PRPF38A: variants seen among roughly 807,000 people sequenced by gnomAD.
PRPF38A encodes pre-mRNA-splicing factor 38A.
Under a neutral mutation model 46.8 loss-of-function variants are expected in PRPF38A, and 11 were observed. The ratio of observed to expected loss-of-function variants is 0.24; its 90% CI spans 0.15 to 0.39. The LOEUF is 0.39. Among genes scored for constraint, PRPF38A ranks in the 10% least tolerant of loss-of-function variants. The probability of loss-of-function intolerance (pLI) is 1.00; values close to 1 mark genes in which losing one functional copy is unlikely to be tolerated. For synonymous variants in PRPF38A, 124 were observed against 136.2 expected (o/e 0.91, Z 0.62); for missense variants, 261 against 407.5 (o/e 0.64, Z 3.10).
Position 52,406,242 on chromosome 1 carries a change from C to A in PRPF38A, c.290+403C>A, listed in dbSNP as rs527603169. 8.5e-5 allele frequency among the ~76,000 whole-genome samples: 13 copies of A among 152,096 alleles called. No individual in the cohort carries two copies. In the East Asian group the frequency reaches 9.7e-4, roughly 11 times the overall value. On this transcript the variant is annotated intron_variant, in intron 2 of 9. Coordinates refer to ENST00000257181, the MANE Select transcript of PRPF38A (RefSeq NM_032864.4). ...GACTTCAGGTAATCCCCTCCCCCCCCGGGCCTCCCAGAGTGCTGGGATTAC... is the reference window on the plus strand; with the variant it reads ...GACTTCAGGTAATCCCCTCCCCCCCAGGGCCTCCCAGAGTGCTGGGATTAC...
At chr1:52,415,817 A>G (rs1433406130) in intron 9 of PRPF38A, among the ~76,000 whole-genome samples, 2 of 127,198 alleles carry the variant, frequency 1.6e-5, no homozygotes, top group African/African-American at 6.2e-5. Flanking sequence ...TGTGCCATAT[A>G]CCGTTGGGTG....
At chr1:52,408,486 C>G (rs752584050) in intron 2 of PRPF38A, 83 bp from the exon 3 acceptor site, 43 of 1,564,594 alleles carry the variant, frequency 2.7e-5, no homozygotes, top group Non-Finnish European at 2.3e-5. Context: ...ACATGTTTAT[C>G]CACTACTGTC....
At chr1:52,406,523 A>G (rs1234705934) in intron 2 of PRPF38A, among the ~76,000 whole-genome samples, 2 of 149,856 alleles carry the variant, frequency 1.3e-5, no homozygotes, top group Non-Finnish European at 2.9e-5. Context: ...TTGCCCATTA[A>G]CTATGACATT....
At chr1:52,414,444 G>A (rs76684399) in intron 6 of PRPF38A, among the ~76,000 whole-genome samples, 177 bp from the exon 7 acceptor site, 1,666 of 152,260 alleles carry the variant, frequency 0.011, 31 homozygotes, top group African/African-American at 0.038. Flanking sequence ...TAGCCAAAGC[G>A]AGTCATGTCA....
chr1:52,414,993 T>G (rs1433966255), intron 8 of PRPF38A, 134 bp downstream of exon 8: 5 of 784,844 alleles, frequency 6.4e-6, no homozygotes, highest in South Asian at 1.7e-5. Flanking sequence ...ATTTGAAAAT[T>G]AAGGTTCACA....
intron 5 of PRPF38A, among the ~76,000 whole-genome samples, chr1:52,412,956 C>T (rs998785645): frequency 1.5e-5 from 2 of 134,272 alleles, no homozygotes; most frequent in Admixed American, 7.3e-5. Context: ...GAGCCAAGAT[C>T]GCAACACTGC....
At chr1:52,405,456 T>TA (rs1476760714) in intron 1 of PRPF38A, among the ~76,000 whole-genome samples, 3 of 152,250 alleles carry the variant, frequency 2.0e-5, no homozygotes, top group Non-Finnish European at 4.4e-5. Context: ...CATGACTTGT[T>TA]AAAAAAGGTT....
chr1:52,416,792 A>G lies in PRPF38A; in HGVS notation c.*102A>G, dbSNP rs1557594659. The stretch of plus-strand genomic sequence containing the variant: ...CCCCAGGCAGCTATAAGAATATTTT[A>G]GTTTTTTTCTTATCAAGTTTCTCAA... On this transcript the variant is annotated 3_prime_UTR_variant, in exon 10 of 10. Transcript: ENST00000257181. 1.1e-6 allele frequency: 1 copy of G among 909,806 alleles called. No individual in the cohort carries two copies. Among genetic ancestry groups the G allele is most frequent in the Non-Finnish European group, 1.8e-6 (1 of 563,684 alleles). The allele number at this position is 909,806 out of a possible 1,614,324, so 56.4% of individuals were successfully genotyped here.
In PRPF38A at chr1:52,415,206, C is replaced by T. The variant is rs990988350; in HGVS notation, c.848-132C>T. 12 of 807,034 alleles carry T rather than the reference C, an allele frequency of 1.5e-5. 1 individual carries two copies. In the Admixed American group the frequency reaches 2.3e-4, roughly 15 times the overall value. The allele number at this position is 807,034 out of a possible 1,614,324, so 50.0% of individuals were successfully genotyped here. ...CTCTTCCTCCACTAATTCAGAGTTGCTTCCACTAAGAGGTGTCCCCTGCAT... is the reference window on the plus strand; with the variant it reads ...CTCTTCCTCCACTAATTCAGAGTTGTTTCCACTAAGAGGTGTCCCCTGCAT... On this transcript the variant is annotated intron_variant, in intron 8 of 9. Transcript: ENST00000257181.
At chr1:52,412,958 CAA>C (rs879936974) in intron 5 of PRPF38A, among the ~76,000 whole-genome samples, 9,215 of 152,192 alleles carry the variant, frequency 0.061, 301 homozygotes, top group African/African-American at 0.083. Context: ...GCCAAGATCG[CAA>C]CACTGCACTC....
At chr1:52,411,334 G>A in intron 4 of PRPF38A, 134 bp downstream of exon 4, 2 of 622,970 alleles carry the variant, frequency 3.2e-6, no homozygotes, top group Non-Finnish European at 2.8e-6. Context: ...CTTCCTGTCT[G>A]GGAGTCCCAA....
chr1:52,408,328 T>C (rs1648056604), intron 2 of PRPF38A: 2 of 636,550 alleles, frequency 3.1e-6, no homozygotes, highest in Non-Finnish European at 2.9e-6. Context: ...ACTGATGATA[T>C]ATTTGAAAGT....
chr1:52,404,699 G>C lies in PRPF38A; in HGVS notation c.-51G>C, dbSNP rs940178827. 6.3e-7 allele frequency: 1 copy of C among 1,590,594 alleles called. No homozygotes were observed. Among genetic ancestry groups the C allele is most frequent in the Non-Finnish European group, 8.6e-7 (1 of 1,168,474 alleles). On this transcript the variant is annotated 5_prime_UTR_variant, in exon 1 of 10. Coordinates refer to ENST00000257181, the MANE Select transcript of PRPF38A (RefSeq NM_032864.4). ...CCTCTAGGTGCTTTTTCTGAACCTG[G>C]ATGTGAGGCATTAAAGGATCCGACG...
intron 3 of PRPF38A, chr1:52,409,379 C>CA (rs1648086224): frequency 6.6e-6 from 1 of 152,282 alleles, no homozygotes; most frequent in South Asian, 2.1e-4. Context: ...AGGAGGCCAA[C>CA]ATGGGCAGAT....
At position 52,420,756 on chromosome 1, in the gene PRPF38A, G is replaced by C. The variant is rs1191279060; in HGVS notation, c.*4066G>C. 2.0e-5 allele frequency: 3 copies of C among 152,132 alleles called. No individual in the cohort carries two copies. Among genetic ancestry groups the C allele is most frequent in the Non-Finnish European group, 2.9e-5 (2 of 67,998 alleles). The allele number at this position is 152,132 out of a possible 1,614,324, so 9.4% of individuals were successfully genotyped here. ...ACTTCTTTCTGGCTGATGAACTTTT[G>C]AATGATTTTTAAACTTTGTACTTTT... On this transcript the variant is annotated 3_prime_UTR_variant, in exon 10 of 10. Transcript: ENST00000257181.
intron 5 of PRPF38A, 116 bp downstream of exon 5, chr1:52,412,740 C>G: frequency 1.5e-6 from 1 of 659,496 alleles, no homozygotes; most frequent in Non-Finnish European, 2.6e-6. Flanking sequence ...TCGCTCAAGC[C>G]TGTAATCATA....
chr1:52,408,379 C>A (rs1189205177), intron 2 of PRPF38A, 190 bp from the exon 3 acceptor site: 1 of 719,862 alleles, frequency 1.4e-6, no homozygotes, highest in East Asian at 2.7e-5. Context: ...TAAATGGTAG[C>A]ATGGGAACTT....
rs143546384 is a variant in PRPF38A, at chr1:52,406,286, C to T, written c.290+447C>T. On this transcript the variant is annotated intron_variant, in intron 2 of 9. Transcript: ENST00000257181. ...GGATTACAGGCATGAGCCACCACAC[C>T]CTGCCAAGTTTGTATTTTATCTGTT... Among the ~76,000 whole-genome samples the T allele has an allele frequency of 1.0e-3, 158 of 152,280 alleles. 3 individuals carry two copies. The South Asian group carries it at 0.03, about 29-fold the overall frequency.
rs892179764 is a variant in PRPF38A, at chr1:52,416,539, C to T, written c.897-109C>T. The stretch of plus-strand genomic sequence containing the variant: ...GGCCAGGCTGGTCTCGAATTCCTGA[C>T]CTCAGGTGATCTGCCTACCTTGGCA... On this transcript the variant is annotated intron_variant, in intron 9 of 9. Coordinates refer to ENST00000257181, the MANE Select transcript of PRPF38A (RefSeq NM_032864.4). 9 of 737,040 alleles carry T rather than the reference C, an allele frequency of 1.2e-5. No homozygotes were observed. The African/African-American group carries it at 1.6e-4, about 13-fold the overall frequency. 45.7% of individuals were successfully genotyped at this position (737,040 alleles called of 1,614,324 possible).
Sources: allele counts gnomAD v4.1 joint callset (sites outside exome capture counted in the v4.1 genomes callset), GRCh38; gene constraint gnomAD v4.1.1; transcripts MANE v1.5; gene names NCBI Gene and HGNC (gene_info 2026-07-23, HGNC 2026-07-21).